Variants in BRME1 observed in about 807,000 individuals in gnomAD.
BRME1 encodes BRCA2 and MEILB2-associating protein 1.
A neutral mutation model predicts 52.6 loss-of-function variants in BRME1; 31 were observed. The observed-to-expected ratio is 0.59, with a 90% CI of 0.44 to 0.80. The LOEUF (loss-of-function observed/expected upper bound fraction) is 0.80. Among genes scored for constraint, BRME1 ranks in the 30% least tolerant of loss-of-function variants. The pLI, the probability that BRME1 is intolerant of heterozygous loss-of-function variation, is 0.00. For synonymous variants in BRME1, 359 were observed against 353.6 expected, an observed-to-expected ratio of 1.02 and a Z score of -0.17; for missense variants, 804 against 860.3, an observed-to-expected ratio of 0.93 and a Z score of 0.82.
At chr19:13,897,841 A>AGGGAGTGAGATTCCAT in intron 2 of BRME1, among the ~76,000 whole-genome samples, 1 of 152,104 alleles carries the variant, frequency 6.6e-6, no homozygotes, top group Non-Finnish European at 1.5e-5. Flanking sequence ...AGCCTGGGCA[A>AGGGAGTGAGATTCCAT]CAGAACTAGA....
intron 2 of BRME1, among the ~76,000 whole-genome samples, chr19:13,899,533 G>T (rs1030697687): frequency 6.6e-6 from 1 of 152,048 alleles, no homozygotes; most frequent in African/African-American, 2.4e-5. Context: ...CTTAGCTCTC[G>T]CTGAGAGAAG....
Position 13,883,514 on chromosome 19 carries a change from GTCC to G in BRME1, c.1764-117_1764-115del, listed in dbSNP as rs1371691830. On this transcript the variant is annotated intron_variant, in intron 7 of 8. Transcript: ENST00000586783. The surrounding 1 kb of genome is among the most constrained non-coding windows in gnomAD (Gnocchi z 4.2). Reference sequence around the variant, plus strand: ...GCCATCTTTTCCAGGTGTCCAGCCTGTCCTCCTCTGTTCACGACAGAACCCTGA... The same window carrying G: ...GCCATCTTTTCCAGGTGTCCAGCCTGTCCTCTGTTCACGACAGAACCCTGA... The G allele has an allele frequency of 3.5e-5, 27 of 779,008 alleles. No individual in the cohort carries two copies. In the East Asian group the frequency reaches 6.8e-4, roughly 20 times the overall value. The allele number at this position is 779,008 out of a possible 1,614,324, so 48.3% of individuals were successfully genotyped here.
chr19:13,890,892 C>G (rs567545985), intron 5 of BRME1, among the ~76,000 whole-genome samples: 1 of 151,996 alleles, frequency 6.6e-6, no homozygotes, highest in Non-Finnish European at 1.5e-5. Flanking sequence ...GTGGCAAAAA[C>G]TGCACTTACT....
intron 2 of BRME1, among the ~76,000 whole-genome samples, chr19:13,896,226 C>A (rs141425154): frequency 5.3e-5 from 8 of 151,278 alleles, no homozygotes; most frequent in Admixed American, 6.6e-5. Flanking sequence ...GCTGAGATTG[C>A]GCTACTGCAC....
Position 13,890,391 on chromosome 19 carries a change from G to T in BRME1, c.465C>A (p.Leu155=), listed in dbSNP as rs1394943226. Reference sequence around the variant, plus strand: ...GGTCCCCCAGCTCCGTGGCCTCCTGGAGGGGGACCCCCAGGGTCTCCACTA... The same window carrying T: ...GGTCCCCCAGCTCCGTGGCCTCCTGTAGGGGGACCCCCAGGGTCTCCACTA... ...QLLVETLGVP[L]QEATELGDPT... Residue 155 remains leucine, a synonymous_variant, in exon 6 of 9, where the codon CTC becomes CTA. Coordinates refer to ENST00000586783, the MANE Select transcript of BRME1 (RefSeq NM_001345843.2). 1.3e-6 allele frequency: 2 copies of T among 1,534,332 alleles called. No homozygotes were observed. Among genetic ancestry groups the T allele is most frequent in the Non-Finnish European group, 1.7e-6 (2 of 1,147,252 alleles).
At position 13,890,063 on chromosome 19, in the gene BRME1, G is replaced by A. The variant is rs974861111; in HGVS notation, c.793C>T (p.Leu265=). ...GGAQRTAGAG[L]PGGPQEEGDG... ...CCCTCCTCCTGGGGCCCTCCAGGCAGGCCAGCCCCTGCTGTCCTTTGGGCC... is the reference window on the plus strand; with the variant it reads ...CCCTCCTCCTGGGGCCCTCCAGGCAAGCCAGCCCCTGCTGTCCTTTGGGCC... Residue 265 remains leucine (L), a synonymous_variant, in exon 6 of 9, where the codon CTG becomes TTG. Transcript: ENST00000586783. 7 of 1,613,556 alleles carry A rather than the reference G, an allele frequency of 4.3e-6. No homozygotes were observed. Among genetic ancestry groups the A allele is most frequent in the African/African-American group, 1.3e-5 (1 of 74,910 alleles).
At position 13,889,988 on chromosome 19, in the gene BRME1, G is replaced by A. The variant is rs1281242006; in HGVS notation, c.868C>T (p.Pro290Ser). The change falls in exon 6 of 9, where the codon CCA becomes TCA. Residue 290 changes from proline (P) to serine (S), a missense_variant. Around this residue, in one of 3 missense-constraint regions of BRME1, gnomAD observed 552 missense variants for 561.1 expected, o/e 0.98. Coordinates refer to ENST00000586783, the MANE Select transcript of BRME1 (RefSeq NM_001345843.2). ...PASAPTSGPAPGLGPASWCLE... is the reference protein window; with the variant it reads ...PASAPTSGPASGLGPASWCLE... ...CACCAAGAGGCAGGGCCCAGTCCTG[G>A]AGCAGGGCCTGAGGTAGGAGCTGAT... is the stretch of plus-strand genomic sequence containing the variant. 6.2e-7 allele frequency: 1 copy of A among 1,612,820 alleles called. No individual in the cohort carries two copies. The highest frequency in any genetic ancestry group is 8.5e-7 in the Non-Finnish European group (1 of 1,179,986).
At position 13,905,719 on chromosome 19, in the gene BRME1, G is replaced by A. The variant is rs547549645; in HGVS notation, c.-26C>T. 6.6e-6 allele frequency: 1 copy of A among 152,270 alleles called. No individual in the cohort carries two copies. The highest frequency in any genetic ancestry group is 2.4e-5 in the African/African-American group (1 of 41,452). 9.4% of individuals were successfully genotyped at this position (152,270 alleles called of 1,614,324 possible). Reference sequence around the variant, plus strand: ...GCGAGGCAAACCAGAACGGACCTGGGCCACAGAAGTCGTTGAGGACCCTCT... The same window carrying A: ...GCGAGGCAAACCAGAACGGACCTGGACCACAGAAGTCGTTGAGGACCCTCT... On this transcript the variant is annotated 5_prime_UTR_variant, in exon 1 of 9. Transcript: ENST00000586783.
At position 13,883,656 on chromosome 19, in the gene BRME1, G is replaced by A. The variant is rs1158888945; in HGVS notation, c.1764-256C>T. ...CACCGCCTCCCTATCTCCTGCCCCT[G>A]TGGCTTGTCCCCCACAGGCACTGGG... On this transcript the variant is annotated intron_variant, in intron 7 of 8. Coordinates refer to ENST00000586783, the MANE Select transcript of BRME1 (RefSeq NM_001345843.2). This position sits in a 1 kb window ranked among gnomAD's most constrained non-coding sequence, Gnocchi z 4.2. The A allele has an allele frequency of 1.1e-5, 5 of 449,496 alleles. No homozygotes were observed. The highest frequency in any genetic ancestry group is 9.9e-5 in the African/African-American group (5 of 50,452). 27.8% of individuals were successfully genotyped at this position (449,496 alleles called of 1,614,324 possible).
chr19:13,905,508 A>C (rs541261956), intron 1 of BRME1, among the ~76,000 whole-genome samples: 1,111 of 71,994 alleles, frequency 0.015, 12 homozygotes, highest in African/African-American at 0.11. Flanking sequence ...ACTCCGTCTC[A>C]AAAAAAAAAA....
chr19:13,892,867 G>T lies in BRME1; in HGVS notation c.312C>A (p.Pro104=), dbSNP rs752884884. ...PSQNSFGRFV[P]QFAKSRKTVT... is the part of the protein sequence containing the mutation. ...CTGTCTTCCTGGATTTTGCAAACTG[G>T]GGAACAAACCTCCCGAATGAGTTCT... Residue 104 remains proline (P), a synonymous_variant, in exon 5 of 9, where the codon CCC becomes CCA. Transcript: ENST00000586783. 4 of 1,613,958 alleles carry T rather than the reference G, an allele frequency of 2.5e-6. No individual in the cohort carries two copies. The highest frequency in any genetic ancestry group is 3.4e-6 in the Non-Finnish European group (4 of 1,179,828).
chr19:13,883,517 C>T lies in BRME1; in HGVS notation c.1764-117G>A, dbSNP rs2145098832. 5 of 771,416 alleles carry T rather than the reference C, an allele frequency of 6.5e-6. No individual in the cohort carries two copies. The highest frequency in any genetic ancestry group is 2.7e-5 in the East Asian group (1 of 36,668). The allele number at this position is 771,416 out of a possible 1,614,324, so 47.8% of individuals were successfully genotyped here. ...ATCTTTTCCAGGTGTCCAGCCTGTC[C>T]TCCTCTGTTCACGACAGAACCCTGA... is the stretch of plus-strand genomic sequence containing the variant. On this transcript the variant is annotated intron_variant, in intron 7 of 8. Transcript: ENST00000586783. This position sits in a 1 kb window ranked among gnomAD's most constrained non-coding sequence, Gnocchi z 4.2.
chr19:13,895,304 T>C, intron 3 of BRME1, 68 bp downstream of exon 3: 1 of 1,492,174 alleles, frequency 6.7e-7, no homozygotes, highest in Non-Finnish European at 9.1e-7. Context: ...AGCATTGCTG[T>C]CTGCTGAGCT....
intron 2 of BRME1, among the ~76,000 whole-genome samples, chr19:13,896,405 A>C (rs1969901148): frequency 6.8e-6 from 1 of 147,138 alleles, no homozygotes; most frequent in African/African-American, 2.5e-5. Context: ...TATATTATTT[A>C]AATTATATAT....
intron 2 of BRME1, among the ~76,000 whole-genome samples, chr19:13,900,626 G>A (rs1462686570): frequency 6.6e-6 from 1 of 152,034 alleles, no homozygotes; most frequent in African/African-American, 2.4e-5. Context: ...ACTTACTTTA[G>A]AAAATGATAG....
chr19:13,903,009 G>A (rs1165306388), intron 2 of BRME1, among the ~76,000 whole-genome samples: 2 of 151,658 alleles, frequency 1.3e-5, no homozygotes, highest in Admixed American at 6.6e-5. Flanking sequence ...GTTGATCACT[G>A]TCCTATGGCT....
intron 3 of BRME1, 36 bp downstream of exon 3, chr19:13,895,336 G>A: frequency 6.3e-7 from 1 of 1,596,254 alleles, no homozygotes; most frequent in Non-Finnish European, 8.5e-7. Context: ...TGGACTGTCA[G>A]TGGGGAGACC....
At chr19:13,898,872 G>A (rs1353076406) in intron 2 of BRME1, among the ~76,000 whole-genome samples, 4 of 137,256 alleles carry the variant, frequency 2.9e-5, no homozygotes, top group East Asian at 4.4e-4. Context: ...GCAGTGAGCC[G>A]ATATCGCGTC....
rs778733043 is a variant in BRME1, at chr19:13,895,414, G to T, written c.164C>A (p.Ser55Tyr). The change falls in exon 3 of 9, where the codon TCT (serine) becomes TAT (tyrosine). Residue 55 changes from serine (S) to tyrosine (Y), a missense_variant. Around this residue, in one of 3 missense-constraint regions of BRME1, gnomAD observed 234 missense variants for 258.1 expected, o/e 0.91. Coordinates refer to ENST00000586783, the MANE Select transcript of BRME1 (RefSeq NM_001345843.2). ...TGGTTCCTCCCCGTGCTGCTGTGTAGAGGGAACAGGTCCCAATTTGCCCTC... is the reference window on the plus strand; with the variant it reads ...TGGTTCCTCCCCGTGCTGCTGTGTATAGGGAACAGGTCCCAATTTGCCCTC... ...EPEGKLGPVPSTQQHGEEPGK... is the reference protein window; with the variant it reads ...EPEGKLGPVPYTQQHGEEPGK... 4.3e-6 allele frequency: 7 copies of T among 1,613,994 alleles called. No individual in the cohort carries two copies.
Sources: gnomAD v4.1 joint callset for allele counts (sites outside exome capture counted in the v4.1 genomes callset) on GRCh38, gnomAD v4.1.1 for gene constraint, gnomAD v4.1.1 regional missense constraint, Gnocchi (gnomAD v3.1) non-coding constraint, MANE v1.5 for transcripts, NCBI Gene and HGNC (gene_info 2026-07-23, HGNC 2026-07-21) for gene names.